GHR: variants seen among roughly 807,000 people sequenced by gnomAD.
GHR encodes the protein GH receptor.
In GHR, 35 loss-of-function variants were observed where a neutral mutation model predicts 67.1. The observed-to-expected ratio is 0.52, with a 90% CI of 0.40 to 0.69. GHR has a LOEUF of 0.69. Among genes scored for constraint, GHR ranks in the 30% least tolerant of loss-of-function variants. The pLI is 0.00. For synonymous variants in GHR, 272 were observed against 269.1 expected (o/e 1.01, Z -0.10); for missense variants, 792 against 764.6 (o/e 1.04, Z -0.42).
chr5:42,454,721 CA>C (rs1198237623), intron 1 of GHR, among the ~76,000 whole-genome samples: 2 of 152,302 alleles, frequency 1.3e-5, no homozygotes, highest in South Asian at 4.1e-4. Flanking sequence ...GCTGTGTTAA[CA>C]GCACCAAGTT....
At chr5:42,548,078 T>C (rs1453748697) in intron 1 of GHR, 3 of 985,264 alleles carry the variant, frequency 3.0e-6, no homozygotes, top group Non-Finnish European at 3.6e-6. Flanking sequence ...TCCATTGTAA[T>C]AGGCCTCATG....
rs372963542 is a variant in GHR, at chr5:42,686,082, G to A, written c.137-2808G>A. Among the ~76,000 whole-genome samples the A allele has an allele frequency of 4.9e-4, 75 of 152,166 alleles. 1 individual carries two copies. The East Asian group carries it at 0.012, about 24-fold the overall frequency. ...GGGTTTTTATGGTTTTGGGTCTTAC[G>A]TTTAAGTCTTTAATCCATCTTGAGT... On this transcript the variant is annotated intron_variant, in intron 3 of 9. Transcript: ENST00000230882.
chr5:42,431,894 T>C (rs1743113000), intron 1 of GHR, among the ~76,000 whole-genome samples: 1 of 152,204 alleles, frequency 6.6e-6, no homozygotes, highest in Admixed American at 6.5e-5. Flanking sequence ...TTTTATGTAC[T>C]TATCCATGGT....
At chr5:42,580,342 T>C (rs2112554000) in intron 2 of GHR, among the ~76,000 whole-genome samples, 1 of 152,204 alleles carries the variant, frequency 6.6e-6, no homozygotes, top group South Asian at 2.1e-4. Context: ...TTTAGTGAGA[T>C]ATATGTGTGT....
chr5:42,692,747 T>C (rs71627551), intron 4 of GHR, among the ~76,000 whole-genome samples: 2 of 152,214 alleles, frequency 1.3e-5, no homozygotes, highest in Non-Finnish European at 2.9e-5. Flanking sequence ...CTGTGAATCA[T>C]GAAAGAGCTA....
rs114800751 is a variant in GHR, at chr5:42,550,278, C to A, written c.-11-15586C>A. ...CGGGGGCTTAGACACATTACTTCAC[C>A]TCTCTGGGCTTAACTTACCCCATTT... is the stretch of plus-strand genomic sequence containing the variant. On this transcript the variant is annotated intron_variant, in intron 1 of 9. Coordinates refer to ENST00000230882, the MANE Select transcript of GHR (RefSeq NM_000163.5). Among the ~76,000 whole-genome samples, 564 of 152,262 alleles carry A rather than the reference C, an allele frequency of 3.7e-3. 5 individuals are homozygous for A. Among genetic ancestry groups the A allele is most frequent in the African/African-American group, 0.013 (533 of 41,548 alleles).
At position 42,664,134 on chromosome 5, in the gene GHR, G is replaced by C. The variant is rs550941468; in HGVS notation, c.137-24756G>C. Among the ~76,000 whole-genome samples, 21 of 152,276 alleles carry C rather than the reference G, an allele frequency of 1.4e-4. No individual in the cohort carries two copies. The South Asian group carries it at 4.3e-3, about 32-fold the overall frequency. ...GAAGAACATTCCATGCTCATGGATA[G>C]GAAGAATCAATATTGTGAAAATGGC... On this transcript the variant is annotated intron_variant, in intron 3 of 9. Coordinates refer to ENST00000230882, the MANE Select transcript of GHR (RefSeq NM_000163.5).
intron 3 of GHR, among the ~76,000 whole-genome samples, chr5:42,637,476 C>A (rs1263996568): frequency 1.3e-5 from 2 of 152,036 alleles, no homozygotes; most frequent in African/African-American, 4.8e-5. Flanking sequence ...TCTAGTAGTC[C>A]CCTGTGTCTA....
At chr5:42,708,087 G>A (rs867467832) in intron 6 of GHR, among the ~76,000 whole-genome samples, 33 of 152,042 alleles carry the variant, frequency 2.2e-4, no homozygotes, top group Admixed American at 1.3e-3. Context: ...TGTTGGTGAG[G>A]AATGGTTAAT....
At chr5:42,452,404 CAGG>C (rs1184118531) in intron 1 of GHR, among the ~76,000 whole-genome samples, 1 of 152,100 alleles carries the variant, frequency 6.6e-6, no homozygotes, top group Non-Finnish European at 1.5e-5. Context: ...ATGAATTTTC[CAGG>C]AGTTCTTTGA....
chr5:42,459,464 G>A (rs1323250810), intron 1 of GHR, among the ~76,000 whole-genome samples: 2 of 152,028 alleles, frequency 1.3e-5, no homozygotes, highest in Non-Finnish European at 2.9e-5. Flanking sequence ...CTAAACATTG[G>A]GTACATATGA....
chr5:42,696,340 C>G (rs1022277187), intron 5 of GHR, among the ~76,000 whole-genome samples: 1 of 152,202 alleles, frequency 6.6e-6, no homozygotes, highest in East Asian at 1.9e-4. Flanking sequence ...GAATGCAGAG[C>G]TGCAAAGGTG....
At chr5:42,534,833 A>AT (rs1193531867) in intron 1 of GHR, among the ~76,000 whole-genome samples, 51 of 151,444 alleles carry the variant, frequency 3.4e-4, no homozygotes, top group African/African-American at 1.1e-3. Context: ...CTGTTTTATT[A>AT]TTATTTTTTT....
chr5:42,460,065 C>G (rs1331758886), intron 1 of GHR, among the ~76,000 whole-genome samples: 1 of 152,120 alleles, frequency 6.6e-6, no homozygotes. Flanking sequence ...GGTCTCCAAT[C>G]CTATAGAGTT....
chr5:42,527,515 C>T (rs924896120), intron 1 of GHR, among the ~76,000 whole-genome samples: 1 of 152,112 alleles, frequency 6.6e-6, no homozygotes, highest in Non-Finnish European at 1.5e-5. Context: ...GACCTAACTA[C>T]CCTAAATGTA....
intron 1 of GHR, among the ~76,000 whole-genome samples, chr5:42,430,001 C>T (rs1037193265): frequency 6.6e-6 from 1 of 152,186 alleles, no homozygotes; most frequent in Non-Finnish European, 1.5e-5. Flanking sequence ...TTAAGATGTG[C>T]ATGCAGGACA....
chr5:42,584,503 G>A (rs999030651), intron 2 of GHR, among the ~76,000 whole-genome samples: 3 of 152,092 alleles, frequency 2.0e-5, no homozygotes, highest in South Asian at 2.1e-4. Context: ...GGCAGAACTC[G>A]TACTCCAAAC....
chr5:42,683,599 G>A (rs1480739898), intron 3 of GHR, among the ~76,000 whole-genome samples: 1 of 152,128 alleles, frequency 6.6e-6, no homozygotes, highest in Non-Finnish European at 1.5e-5. Flanking sequence ...TTTAGGGGCT[G>A]TCTGCCACAG....
intron 1 of GHR, among the ~76,000 whole-genome samples, chr5:42,505,620 G>A (rs932820778): frequency 3.3e-5 from 5 of 152,146 alleles, no homozygotes; most frequent in Non-Finnish European, 7.3e-5. Context: ...TTGGGTTTGA[G>A]TCAGAAGCAA....
Sources: gnomAD v4.1 joint callset for allele counts (sites outside exome capture counted in the v4.1 genomes callset) on GRCh38, gnomAD v4.1.1 for gene constraint, MANE v1.5 for transcripts, NCBI Gene and HGNC (gene_info 2026-07-23, HGNC 2026-07-21) for gene names.